The following THOC7 variants were observed in gnomAD, a reference collection of about 807,000 sequenced individuals.
THOC7 encodes THO complex subunit 7, also known as NIF3L1-binding protein 1.
A neutral mutation model predicts 33.1 loss-of-function variants in THOC7; 22 were observed. The observed-to-expected ratio is 0.66, with a 90% confidence interval of 0.47 to 0.95. THOC7 has a LOEUF of 0.95. Among genes scored for constraint, THOC7 ranks in the 40% least tolerant of loss-of-function variants. The pLI, the probability that THOC7 is intolerant of heterozygous loss-of-function variation, is 0.00. For missense variants in THOC7, 184 were observed against 245.3 expected (o/e 0.75, Z 1.67); for synonymous variants, 77 against 76.8 (o/e 1.00, Z -0.01).
chr3:63,859,050 A>G (rs1262166756), intron 1 of THOC7, among the ~76,000 whole-genome samples: 3 of 152,210 alleles, frequency 2.0e-5, no homozygotes, highest in African/African-American at 7.2e-5. Context: ...TGTAAGCTCC[A>G]TGGACAGGTA....
At chr3:63,834,231 T>C in intron 7 of THOC7, 32 bp from the exon 8 acceptor site, 1 of 1,607,604 alleles carries the variant, frequency 6.2e-7, no homozygotes, top group South Asian at 1.1e-5. Context: ...AAAACCTTAG[T>C]CAAGTTTGCC....
chr3:63,863,348 G>GC (rs953254279), intron 1 of THOC7, among the ~76,000 whole-genome samples: 1 of 152,094 alleles, frequency 6.6e-6, no homozygotes, highest in African/African-American at 2.4e-5. Context: ...CCAGCCCTAA[G>GC]CCCGGCACCA....
upstream of THOC7, among the ~76,000 whole-genome samples, chr3:63,864,301 C>G (rs554565714): frequency 1.7e-3 from 248 of 148,110 alleles, 2 homozygotes; most frequent in Middle Eastern, 0.021. Context: ...GGGGTGGGCT[C>G]GTTTCCCTGG....
chr3:63,837,938 A>G lies in THOC7; in HGVS notation c.352+38T>C, dbSNP rs748964651. On this transcript the variant is annotated intron_variant, in intron 4 of 7. Transcript: ENST00000295899. ...AACTGCATGAAAACTGTAGTCAGTAATAATGTATTTGCACATTAAATCCCT... is the reference window on the plus strand; with the variant it reads ...AACTGCATGAAAACTGTAGTCAGTAGTAATGTATTTGCACATTAAATCCCT... The G allele has an allele frequency of 3.2e-6, 5 of 1,559,208 alleles. No individual in the cohort carries two copies. The Admixed American group carries it at 5.6e-5, about 17-fold the overall frequency.
chr3:63,863,506 T>A (rs1467613587), intron 1 of THOC7: 3 of 1,184,300 alleles, frequency 2.5e-6, no homozygotes, highest in African/African-American at 3.2e-5. Flanking sequence ...CGGCACACCC[T>A]ATAGCCCCGC....
At chr3:63,859,309 C>T (rs1702165716) in intron 1 of THOC7, among the ~76,000 whole-genome samples, 1 of 152,228 alleles carries the variant, frequency 6.6e-6, no homozygotes, top group African/African-American at 2.4e-5. Flanking sequence ...TAAATGCCCA[C>T]AAAGGACAAT....
At chr3:63,851,340 A>G (rs1472993846) in intron 1 of THOC7, among the ~76,000 whole-genome samples, 1 of 152,234 alleles carries the variant, frequency 6.6e-6, no homozygotes, top group East Asian at 1.9e-4. Context: ...AGTTTTGGTT[A>G]CACTCTCACC....
At chr3:63,848,186 T>C (rs1003941395) in intron 1 of THOC7, among the ~76,000 whole-genome samples, 5 of 152,230 alleles carry the variant, frequency 3.3e-5, no homozygotes, top group African/African-American at 1.2e-4. Context: ...CCCCTTCCCT[T>C]TCCAGGTCTT....
chr3:63,860,698 T>G (rs1425859145), intron 1 of THOC7: 1 of 152,218 alleles, frequency 6.6e-6, no homozygotes, highest in African/African-American at 2.4e-5. Context: ...ACCCCACTTC[T>G]GACTTCCCTT....
At chr3:63,863,646 G>A in intron 1 of THOC7, 126 bp downstream of exon 1, 3 of 1,214,074 alleles carry the variant, frequency 2.5e-6, no homozygotes, top group Middle Eastern at 3.3e-4. Flanking sequence ...CGGGAAGGCC[G>A]AAGCGCTCTG....
intron 1 of THOC7, among the ~76,000 whole-genome samples, chr3:63,842,108 G>C (rs1233190200): frequency 6.6e-6 from 1 of 152,134 alleles, no homozygotes; most frequent in Admixed American, 6.5e-5. Context: ...GCTGTGGTTT[G>C]AATGTCCCCT....
In THOC7 at chr3:63,839,674, G is replaced by A. The variant is rs1036756819; in HGVS notation, c.119C>T (p.Ser40Phe). The A allele has an allele frequency of 5.6e-6, 9 of 1,612,130 alleles. No homozygotes were observed. Among genetic ancestry groups the A allele is most frequent in the Non-Finnish European group, 7.6e-6 (9 of 1,179,864 alleles). Residue 40 changes from serine to phenylalanine, a missense_variant, in exon 2 of 8, where the codon TCT becomes TTT. Physicochemically the swap from Ser to Phe is radical, Grantham distance 155. This residue lies in a region of THOC7 where 157 missense variants were observed against 201.3 expected (regional missense o/e 0.78). Coordinates refer to ENST00000295899, the MANE Select transcript of THOC7 (RefSeq NM_025075.4). ...LVKSFIKWCN[S>F]GSQEEGYSQY... ...GAAATACCCCTCTTCCTGGGACCCA[G>A]AGTTGCACCATTTAATGAAACTCTT...
In THOC7 at chr3:63,838,009, G is replaced by T; in HGVS notation, c.319C>A (p.Leu107Ile). 1 of 1,609,414 alleles carries T rather than the reference G, an allele frequency of 6.2e-7. No homozygotes were observed. The change falls in exon 4 of 8, where the codon CTT (leucine) becomes ATT (isoleucine). Residue 107 changes from leucine to isoleucine, a missense_variant. By Grantham distance (5) the Leu-to-Ile change is conservative. Around this residue, in one of 3 missense-constraint regions of THOC7, gnomAD observed 157 missense variants for 201.3 expected, o/e 0.78. Transcript: ENST00000295899. ...EKIAECKKQI[L>I]QAKRIRKNRQ... ...TTTTTTCGTATTCGTTTTGCTTGAAGAATTTGCTTTTTGCACTCAGCAATT... is the reference window on the plus strand; with the variant it reads ...TTTTTTCGTATTCGTTTTGCTTGAATAATTTGCTTTTTGCACTCAGCAATT...
intron 5 of THOC7, 119 bp downstream of exon 5, chr3:63,836,182 G>T: frequency 1.2e-6 from 1 of 867,946 alleles, no homozygotes; most frequent in Non-Finnish European, 1.8e-6. Context: ...ATATAATATT[G>T]AATATCTGAC....
intron 1 of THOC7, among the ~76,000 whole-genome samples, chr3:63,841,524 GC>G (rs1559604208): frequency 6.6e-6 from 1 of 152,194 alleles, no homozygotes; most frequent in Non-Finnish European, 1.5e-5. Context: ...GAGCGCAGGT[GC>G]AGCGGAGATA....
intron 3 of THOC7, 106 bp downstream of exon 3, chr3:63,838,266 A>G (rs1456959309): frequency 1.0e-6 from 1 of 954,362 alleles, no homozygotes; most frequent in Non-Finnish European, 1.5e-6. Context: ...CCATTAATAC[A>G]GTAATTGTTA....
chr3:63,857,755 AC>A (rs1168368941), intron 1 of THOC7, among the ~76,000 whole-genome samples: 1 of 152,256 alleles, frequency 6.6e-6, no homozygotes, highest in Non-Finnish European at 1.5e-5. Context: ...AAGGTAAATT[AC>A]GTGCACCAAA....
chr3:63,863,564 C>T, intron 1 of THOC7: 1 of 1,196,054 alleles, frequency 8.4e-7, no homozygotes, highest in South Asian at 4.3e-5. Context: ...CTCCGAGGGG[C>T]GCTCGGGCTC....
Position 63,834,134 on chromosome 3 carries a change from A to G in THOC7, c.613T>C (p.Ter205GlnextTer3), listed in dbSNP as rs1701576090. ...GGAGTGGTGGGCAATTAGCCTGTCT[A>G]TGGCTTAGGATCTGTTTCCATGCTT... ...EASMETDPKP[*>Q] The change falls in exon 8 of 8, where the codon TAG becomes CAG. Residue 205 changes from the stop codon to glutamine (Q), a stop_lost. Transcript: ENST00000295899. 6.2e-7 allele frequency: 1 copy of G among 1,613,938 alleles called. No individual in the cohort carries two copies.
Sources: gnomAD v4.1 joint callset for allele counts (sites outside exome capture counted in the v4.1 genomes callset) on GRCh38, gnomAD v4.1.1 for gene constraint, gnomAD v4.1.1 regional missense constraint, MANE v1.5 for transcripts, NCBI Gene and HGNC (gene_info 2026-07-23, HGNC 2026-07-21) for gene names.